Variants in PTPRK observed in about 807,000 individuals in gnomAD.
PTPRK encodes protein tyrosine phosphatase receptor type K.
Under a neutral mutation model 178.0 loss-of-function variants are expected in PTPRK, and 75 were observed. The ratio of observed to expected loss-of-function variants is 0.42; its 90% confidence interval spans 0.35 to 0.51. PTPRK has a LOEUF of 0.51. Ranked by LOEUF, PTPRK falls within the 20% of genes least tolerant of loss-of-function variation. The pLI is 0.02. For synonymous variants in PTPRK, 637 were observed against 620.6 expected, an observed-to-expected ratio of 1.03 and a Z score of -0.39; for missense variants, 1,441 against 1,797.8, an observed-to-expected ratio of 0.80 and a Z score of 3.59.
chr6:128,275,678 T>A (rs1342684553), intron 3 of PTPRK, among the ~76,000 whole-genome samples: 1 of 152,050 alleles, frequency 6.6e-6, no homozygotes, highest in Non-Finnish European at 1.5e-5. Flanking sequence ...ATACAGGGGA[T>A]AAATATGGTT....
chr6:128,174,632 C>T (rs913707908), intron 7 of PTPRK, among the ~76,000 whole-genome samples: 1 of 151,846 alleles, frequency 6.6e-6, no homozygotes, highest in Admixed American at 6.6e-5. Context: ...AGCTTTAGTA[C>T]ATGCCCAAAT....
At chr6:128,491,744 C>G in intron 1 of PTPRK, 1 of 517,484 alleles carries the variant, frequency 1.9e-6, no homozygotes, top group Non-Finnish European at 3.9e-6. Context: ...TTTCAATCGC[C>G]CTTCATGATC....
intron 4 of PTPRK, among the ~76,000 whole-genome samples, chr6:128,240,758 TA>T (rs1814272680): frequency 1.3e-5 from 2 of 152,294 alleles, no homozygotes; most frequent in Middle Eastern, 3.4e-3. Context: ...CATAGTATAG[TA>T]ATCCAAAATA....
At chr6:128,231,567 A>G (rs1812310507) in intron 5 of PTPRK, among the ~76,000 whole-genome samples, 1 of 152,182 alleles carries the variant, frequency 6.6e-6, no homozygotes, top group African/African-American at 2.4e-5. Context: ...CCATAGATTA[A>G]TTCTCCTCAG....
chr6:128,085,512 T>C (rs1226493980), intron 8 of PTPRK, among the ~76,000 whole-genome samples: 1 of 152,224 alleles, frequency 6.6e-6, no homozygotes, highest in Non-Finnish European at 1.5e-5. Context: ...AATGAATAAA[T>C]GTTGATTTGA....
intron 21 of PTPRK, among the ~76,000 whole-genome samples, chr6:127,987,096 G>T (rs1776063989): frequency 6.6e-6 from 1 of 151,842 alleles, no homozygotes; most frequent in Non-Finnish European, 1.5e-5. Flanking sequence ...TCTTTTATTG[G>T]AGTTGCTTAA....
chr6:127,979,881 T>C (rs1332491273), intron 25 of PTPRK, among the ~76,000 whole-genome samples: 3 of 152,228 alleles, frequency 2.0e-5, no homozygotes, highest in Non-Finnish European at 4.4e-5. Context: ...TCTTGCTTCT[T>C]TCCAACATAA....
intron 3 of PTPRK, among the ~76,000 whole-genome samples, chr6:128,274,671 A>G (rs1820431736): frequency 6.6e-6 from 1 of 152,088 alleles, no homozygotes. Flanking sequence ...TTTACTCTGT[A>G]TCCAAACAAA....
chr6:127,970,962 A>G (rs1336907268), intron 29 of PTPRK, among the ~76,000 whole-genome samples: 2 of 143,258 alleles, frequency 1.4e-5, no homozygotes, highest in African/African-American at 5.9e-5. Context: ...TTTCCTTGAG[A>G]AAAAAAAAGC....
chr6:128,181,011 T>C (rs4440487), intron 7 of PTPRK, among the ~76,000 whole-genome samples: 21,260 of 151,992 alleles, frequency 0.14, 4,170 homozygotes, highest in African/African-American at 0.44. Context: ...GTCTTAAATT[T>C]ACCAACTAAA....
intron 2 of PTPRK, among the ~76,000 whole-genome samples, chr6:128,347,738 A>G (rs1245584808): frequency 6.6e-6 from 1 of 152,052 alleles, no homozygotes. Flanking sequence ...TTAATATCCA[A>G]CCCACTACAA....
At chr6:128,200,589 G>A (rs1805717943) in intron 6 of PTPRK, among the ~76,000 whole-genome samples, 1 of 151,540 alleles carries the variant, frequency 6.6e-6, no homozygotes. Flanking sequence ...ATTAAAAATA[G>A]CCAGTGTGGT....
intron 2 of PTPRK, among the ~76,000 whole-genome samples, chr6:128,361,575 C>T (rs1473565815): frequency 6.6e-6 from 1 of 152,114 alleles, no homozygotes; most frequent in East Asian, 1.9e-4. Context: ...GTGTTACTCA[C>T]ACAAACCTAT....
intron 3 of PTPRK, among the ~76,000 whole-genome samples, chr6:128,256,154 T>C (rs550578662): frequency 6.6e-5 from 10 of 152,110 alleles, no homozygotes; most frequent in Non-Finnish European, 1.2e-4. Context: ...GAGATAAGCA[T>C]GGTAGGAAAT....
At chr6:128,073,196 TTGAG>T (rs1277416486) in intron 11 of PTPRK, among the ~76,000 whole-genome samples, 3 of 152,114 alleles carry the variant, frequency 2.0e-5, no homozygotes, top group African/African-American at 4.8e-5. Context: ...CAAATATTTA[TTGAG>T]TATCTGTTAC....
intron 19 of PTPRK, among the ~76,000 whole-genome samples, chr6:127,991,887 C>G (rs1266344432): frequency 1.3e-5 from 2 of 151,594 alleles, no homozygotes; most frequent in African/African-American, 4.8e-5. Context: ...TGTTCTCTAC[C>G]GAATACCATA....
At chr6:128,338,925 A>T (rs1831305916) in intron 2 of PTPRK, among the ~76,000 whole-genome samples, 2 of 152,200 alleles carry the variant, frequency 1.3e-5, no homozygotes, top group Non-Finnish European at 2.9e-5. Flanking sequence ...TTTTGTTGAG[A>T]CATCCCAGCA....
Position 128,008,103 on chromosome 6 carries a change from G to A in PTPRK, c.2333+1027C>T, listed in dbSNP as rs761239549. The A allele has an allele frequency of 4.5e-5, 60 of 1,320,014 alleles. No homozygotes were observed. In the South Asian group the frequency reaches 5.9e-4, roughly 13 times the overall value. The allele number at this position is 1,320,014 out of a possible 1,614,324, so 81.8% of individuals were successfully genotyped here. A position where few individuals can be genotyped will look rare whatever the true frequency, so the allele number is the denominator to read the frequency against. On this transcript the variant is annotated intron_variant, in intron 14 of 29. Coordinates refer to ENST00000368226, the MANE Select transcript of PTPRK (RefSeq NM_002844.4). ...ACATATATATCTCCAGGGGATAATC[G>A]TAAAGAGGCAATATATTAAAATAAA... is the stretch of plus-strand genomic sequence containing the variant.
rs368938189 is a variant in PTPRK at position 128,235,071 on chromosome 6, C to T, written c.693+4964G>A. On this transcript the variant is annotated intron_variant, in intron 5 of 29. Transcript: ENST00000368226. ...CAAGGTTACGGATACATCAATTACCCTAATTGGATCATTACACATTATATG... is the reference window on the plus strand; with the variant it reads ...CAAGGTTACGGATACATCAATTACCTTAATTGGATCATTACACATTATATG... Among the ~76,000 whole-genome samples, 23 of 152,102 alleles carry T rather than the reference C, an allele frequency of 1.5e-4. No homozygotes were observed. The East Asian group carries it at 4.4e-3, about 29-fold the overall frequency.
Sources: gnomAD v4.1 joint callset for allele counts (sites outside exome capture counted in the v4.1 genomes callset) on GRCh38, gnomAD v4.1.1 for gene constraint, MANE v1.5 for transcripts, NCBI Gene and HGNC (gene_info 2026-07-23, HGNC 2026-07-21) for gene names.